KYAT1: variants seen among roughly 807,000 people sequenced by gnomAD.
KYAT1 encodes the protein kynurenine--oxoglutarate transaminase 1.
A neutral mutation model predicts 52.4 loss-of-function variants in KYAT1; 47 were observed. The observed-to-expected ratio is 0.90, with a 90% CI of 0.71 to 1.14. The LOEUF (loss-of-function observed/expected upper bound fraction) is 1.14. Among genes scored for constraint, KYAT1 ranks in the 50% most tolerant of loss-of-function variants. The pLI is 0.00. For missense variants in KYAT1, 480 were observed against 557.9 expected (o/e 0.86, Z 1.41); for synonymous variants, 212 against 209.6 (o/e 1.01, Z -0.10).
Position 128,833,333 on chromosome 9 carries a change from C to A in KYAT1, c.*251G>T, listed in dbSNP as rs889331236. 1.7e-6 allele frequency: 1 copy of A among 596,192 alleles called. No individual in the cohort carries two copies. Among genetic ancestry groups the A allele is most frequent in the Non-Finnish European group, 3.0e-6 (1 of 335,924 alleles). 36.9% of individuals were successfully genotyped at this position (596,192 alleles called of 1,614,324 possible). ...GAGAGACCAGAAGCAACACAAGACCCTACAAACCCACCTATGGAGGGGCAG... is the reference window on the plus strand; with the variant it reads ...GAGAGACCAGAAGCAACACAAGACCATACAAACCCACCTATGGAGGGGCAG... On this transcript the variant is annotated 3_prime_UTR_variant, in exon 13 of 13. Transcript: ENST00000302586.
Position 128,879,159 on chromosome 9 carries a change from A to C in KYAT1, c.-7+2738T>G, listed in dbSNP as rs551171059. Among the ~76,000 whole-genome samples the C allele has an allele frequency of 6.6e-5, 10 of 152,172 alleles. No individual in the cohort carries two copies. The South Asian group carries it at 1.5e-3, about 22-fold the overall frequency. ...CCCCGTCTCTACTAAAAATACAAAAAATTAGCCAGGCGTGGTGGCGGGTGC... is the reference window on the plus strand; with the variant it reads ...CCCCGTCTCTACTAAAAATACAAAACATTAGCCAGGCGTGGTGGCGGGTGC... On this transcript the variant is annotated intron_variant, in intron 1 of 12. Coordinates refer to ENST00000302586, the MANE Select transcript of KYAT1 (RefSeq NM_004059.5).
intron 1 of KYAT1, among the ~76,000 whole-genome samples, chr9:128,868,742 T>C (rs537083455): frequency 1.3e-5 from 2 of 149,472 alleles, no homozygotes; most frequent in African/African-American, 4.9e-5. Context: ...AGTCTTGCTC[T>C]GTTGCCAGGC....
rs3834884 is a variant in KYAT1, at chr9:128,847,651, T to TAACAACAAC, written c.-6-2249_-6-2241dup. ...GGTCCCCCACACACAGCTCTAACAA[T>TAACAACAAC]AACAACAACAACAACAACAACAACA... On this transcript the variant is annotated intron_variant, in intron 1 of 12. Coordinates refer to ENST00000302586, the MANE Select transcript of KYAT1 (RefSeq NM_004059.5). The TAACAACAAC allele has an allele frequency of 1.0e-3, 567 of 554,572 alleles. 2 individuals are homozygous for TAACAACAAC. The highest frequency in any genetic ancestry group is 1.4e-3 in the Middle Eastern group (3 of 2,086). 34.4% of individuals were successfully genotyped at this position (554,572 alleles called of 1,614,324 possible).
chr9:128,835,600 T>G lies in KYAT1; in HGVS notation c.923A>C (p.Gln308Pro), dbSNP rs1234579540. The G allele has an allele frequency of 1.9e-6, 3 of 1,612,868 alleles. No individual in the cohort carries two copies. In the African/African-American group the frequency reaches 4.0e-5, roughly 22 times the overall value. Residue 308 changes from glutamine (Q) to proline (P), a missense_variant, in exon 10 of 13, where the codon CAG (glutamine) becomes CCG (proline). Gln to Pro is a moderately conservative substitution (Grantham distance 76). Transcript: ENST00000302586. ...GCAGCGCTGCATGGCCTGCGGGAAC[T>G]GCACAAAGTAGCTGCTGGGTTGGCG... ...LFRQPSSYFV[Q>P]FPQAMQRCRD...
At chr9:128,854,978 TG>T (rs1157039085) in intron 1 of KYAT1, among the ~76,000 whole-genome samples, 1 of 152,182 alleles carries the variant, frequency 6.6e-6, no homozygotes, top group Non-Finnish European at 1.5e-5. Context: ...ACTTATCATA[TG>T]GTAAGTGGAA....
intron 1 of KYAT1, among the ~76,000 whole-genome samples, chr9:128,861,032 C>A (rs1835397042): frequency 6.6e-6 from 1 of 152,176 alleles, no homozygotes; most frequent in African/African-American, 2.4e-5. Flanking sequence ...TAAGGGAACA[C>A]ATTCTGTTGG....
intron 1 of KYAT1, among the ~76,000 whole-genome samples, chr9:128,871,007 C>G (rs1391387647): frequency 6.6e-6 from 1 of 151,648 alleles, no homozygotes; most frequent in Non-Finnish European, 1.5e-5. Context: ...CAATATAACC[C>G]ATTTACATTT....
intron 1 of KYAT1, chr9:128,847,390 C>T (rs1833270998): frequency 5.1e-6 from 7 of 1,360,082 alleles, no homozygotes; most frequent in Non-Finnish European, 7.1e-6. Context: ...CCCAGAAGCC[C>T]CAGGCCATGC....
At chr9:128,841,694 CAAAA>C (rs71383615) in intron 3 of KYAT1, among the ~76,000 whole-genome samples, 2 of 105,872 alleles carry the variant, frequency 1.9e-5, no homozygotes, top group African/African-American at 3.8e-5. Context: ...GACTCCATCT[CAAAA>C]AAAAAAAAAA....
chr9:128,877,478 C>A (rs375276897), intron 1 of KYAT1, among the ~76,000 whole-genome samples: 5 of 152,372 alleles, frequency 3.3e-5, no homozygotes, highest in Middle Eastern at 3.4e-3. Flanking sequence ...AAAACTCACT[C>A]AGCCTAGAGA....
chr9:128,879,808 G>T (rs72758877), intron 1 of KYAT1, among the ~76,000 whole-genome samples: 1 of 152,144 alleles, frequency 6.6e-6, no homozygotes, highest in Non-Finnish European at 1.5e-5. Flanking sequence ...CTGGGCTTCC[G>T]CCCTCAAAGT....
chr9:128,875,729 T>G (rs1190400582), intron 1 of KYAT1, among the ~76,000 whole-genome samples: 1 of 152,140 alleles, frequency 6.6e-6, no homozygotes, highest in African/African-American at 2.4e-5. Context: ...ACCATAGCTG[T>G]GCCGAGGACC....
intron 1 of KYAT1, among the ~76,000 whole-genome samples, chr9:128,877,594 C>CCCCTTG (rs1838235418): frequency 6.6e-6 from 1 of 152,200 alleles, no homozygotes. Context: ...AGACCACCAG[C>CCCCTTG]CCCTTGGGGA....
upstream of KYAT1, chr9:128,882,035 G>A (rs556808451): frequency 2.0e-3 from 309 of 152,364 alleles, 1 homozygote; most frequent in African/African-American, 6.4e-3. Flanking sequence ...GGCGAGAGCG[G>A]GAGAAAGCGC....
Position 128,846,291 on chromosome 9 carries a change from G to A in KYAT1, c.-6-880C>T, listed in dbSNP as rs1347718803. ...CTAAAAATACAAAAATTAGCTGGGC[G>A]TGGTAGCACGCACCTGTTATCCCAG... On this transcript the variant is annotated intron_variant, in intron 1 of 12. Transcript: ENST00000302586. Among the ~76,000 whole-genome samples, 9 of 152,272 alleles carry A rather than the reference G, an allele frequency of 5.9e-5. No individual in the cohort carries two copies. In the East Asian group the frequency reaches 7.7e-4, roughly 13 times the overall value.
chr9:128,855,928 A>T (rs1588111026), intron 1 of KYAT1, among the ~76,000 whole-genome samples: 2 of 152,220 alleles, frequency 1.3e-5, no homozygotes, highest in African/African-American at 4.8e-5. Context: ...AACTCCTCAA[A>T]ATTGTGGAAT....
intron 1 of KYAT1, among the ~76,000 whole-genome samples, chr9:128,873,069 C>A (rs1362664659): frequency 7.2e-6 from 1 of 139,354 alleles, no homozygotes; most frequent in East Asian, 2.1e-4. Flanking sequence ...GAGTGAGACT[C>A]CATTTAAAAA....
intron 3 of KYAT1, chr9:128,842,325 TAA>T (rs1229443519): frequency 8.9e-6 from 2 of 224,626 alleles, no homozygotes; most frequent in Non-Finnish European, 1.8e-5. Flanking sequence ...GGACTTGGTT[TAA>T]GTGTCACCTC....
intron 6 of KYAT1, 79 bp downstream of exon 6, chr9:128,837,606 C>A: frequency 6.5e-7 from 1 of 1,538,238 alleles, no homozygotes; most frequent in African/African-American, 1.4e-5. Flanking sequence ...AAACGGAGGC[C>A]CCACAGCAGC....
Sources: allele counts gnomAD v4.1 joint callset (sites outside exome capture counted in the v4.1 genomes callset), GRCh38; gene constraint gnomAD v4.1.1; transcripts MANE v1.5; gene names NCBI Gene and HGNC (gene_info 2026-07-23, HGNC 2026-07-21).